The following SLC10A2 variants were observed in gnomAD, a reference collection of about 807,000 sequenced individuals.
SLC10A2 encodes the protein solute carrier family 10 member 2.
Under a neutral mutation model 27.1 loss-of-function variants are expected in SLC10A2, and 34 were observed. That is an observed-to-expected ratio of 1.26 (90% confidence interval 0.96 to 1.67). The LOEUF is 1.67. SLC10A2 is among the 40% of genes most tolerant of loss of function. The pLI, the probability that SLC10A2 is intolerant of heterozygous loss-of-function variation, is 0.00. For missense variants in SLC10A2, 530 were observed against 444.4 expected, an observed-to-expected ratio of 1.19 and a Z score of -1.73; for synonymous variants, 205 against 174.0, an observed-to-expected ratio of 1.18 and a Z score of -1.40.
intron 5 of SLC10A2, among the ~76,000 whole-genome samples, chr13:103,046,523 C>T (rs1472756004): frequency 6.6e-6 from 1 of 152,164 alleles, no homozygotes; most frequent in Non-Finnish European, 1.5e-5. Context: ...TTCAGCCCTG[C>T]ACGTGGTACT....
At chr13:103,055,336 C>G (rs1875908887) in intron 2 of SLC10A2, among the ~76,000 whole-genome samples, 1 of 152,192 alleles carries the variant, frequency 6.6e-6, no homozygotes. Context: ...CATGGTCTGC[C>G]TCCTCTCGAT....
In SLC10A2 at chr13:103,051,473, C is replaced by G. The variant is rs754322624; in HGVS notation, c.586-41G>C. 6 of 1,602,890 alleles carry G rather than the reference C, an allele frequency of 3.7e-6. No individual in the cohort carries two copies. The Admixed American group carries it at 6.7e-5, about 18-fold the overall frequency. On this transcript the variant is annotated intron_variant, in intron 3 of 5. Transcript: ENST00000245312. The stretch of plus-strand genomic sequence containing the variant: ...ATAAGTGAACCCAGCAATCATGAGT[C>G]AAAGCAAATCCAAGTATGTTTGTCA...
intron 1 of SLC10A2, among the ~76,000 whole-genome samples, chr13:103,064,133 A>G (rs1876206112): frequency 6.6e-6 from 1 of 152,186 alleles, no homozygotes; most frequent in African/African-American, 2.4e-5. Context: ...AGCTCTGGAT[A>G]GGTGAGGTTG....
At chr13:103,054,735 G>T (rs1364230149) in intron 2 of SLC10A2, among the ~76,000 whole-genome samples, 1 of 152,126 alleles carries the variant, frequency 6.6e-6, no homozygotes, top group African/African-American at 2.4e-5. Flanking sequence ...AGGGACCTGG[G>T]GTTGACTGGG....
chr13:103,058,565 G>A (rs1345806086), intron 1 of SLC10A2, among the ~76,000 whole-genome samples, 183 bp from the exon 2 acceptor site: 2 of 152,076 alleles, frequency 1.3e-5, no homozygotes, highest in Non-Finnish European at 2.9e-5. Flanking sequence ...TAGGTATTAA[G>A]CCTAGTACCC....
chr13:103,055,329 G>A (rs1875908604), intron 2 of SLC10A2, among the ~76,000 whole-genome samples: 1 of 152,160 alleles, frequency 6.6e-6, no homozygotes, highest in South Asian at 2.1e-4. Flanking sequence ...CCAGCTGCAT[G>A]GTCTGCCTCC....
chr13:103,049,161 G>A (rs1332834341), intron 5 of SLC10A2, 128 bp downstream of exon 5: 7 of 927,966 alleles, frequency 7.5e-6, no homozygotes, highest in Non-Finnish European at 1.2e-5. Flanking sequence ...TAATATGACG[G>A]TGGCTTTTTC....
chr13:103,045,384 A>G lies in SLC10A2; in HGVS notation c.*749T>C, dbSNP rs1176639299. The G allele has an allele frequency of 1.3e-5, 2 of 152,246 alleles. No individual in the cohort carries two copies. The highest frequency in any genetic ancestry group is 4.8e-5 in the African/African-American group (2 of 41,430). 9.4% of individuals were successfully genotyped at this position (152,246 alleles called of 1,614,324 possible). On this transcript the variant is annotated 3_prime_UTR_variant, in exon 6 of 6. Coordinates refer to ENST00000245312, the MANE Select transcript of SLC10A2 (RefSeq NM_000452.3). ...TCTTTGCCAAATACACACCGTTTGA[A>G]AGAATTATGTTTTTCCTTGGAAGAT... is the stretch of plus-strand genomic sequence containing the variant.
intron 2 of SLC10A2, among the ~76,000 whole-genome samples, chr13:103,057,247 G>A (rs967037123): frequency 1.2e-4 from 19 of 152,156 alleles, no homozygotes; most frequent in African/African-American, 3.4e-4. Context: ...TCTTTTGTTC[G>A]TGATAGTTCT....
At chr13:103,053,209 A>C (rs1170521289) in intron 2 of SLC10A2, among the ~76,000 whole-genome samples, 1 of 152,002 alleles carries the variant, frequency 6.6e-6, no homozygotes, top group Non-Finnish European at 1.5e-5. Flanking sequence ...ATATTTTAAA[A>C]TGAAAGAAAA....
At chr13:103,056,513 T>C (rs1453481933) in intron 2 of SLC10A2, among the ~76,000 whole-genome samples, 1 of 152,170 alleles carries the variant, frequency 6.6e-6, no homozygotes, top group African/African-American at 2.4e-5. Context: ...AGGGAATGTA[T>C]ATCAAAAGGA....
intron 3 of SLC10A2, 111 bp downstream of exon 3, chr13:103,052,509 C>T: frequency 1.2e-6 from 1 of 804,170 alleles, no homozygotes; most frequent in Non-Finnish European, 2.2e-6. Flanking sequence ...GACTTCAGGC[C>T]CCCACTCAAC....
intron 1 of SLC10A2, among the ~76,000 whole-genome samples, chr13:103,063,216 T>TG (rs929056114): frequency 2.0e-5 from 3 of 152,234 alleles, no homozygotes; most frequent in African/African-American, 7.2e-5. Context: ...CTATTTTTTT[T>TG]TTGTTTTTCA....
At chr13:103,055,568 T>G (rs1875913885) in intron 2 of SLC10A2, among the ~76,000 whole-genome samples, 1 of 152,138 alleles carries the variant, frequency 6.6e-6, no homozygotes, top group Admixed American at 6.5e-5. Flanking sequence ...GTTAAAGAAC[T>G]AGAAAAACCA....
At position 103,064,118 on chromosome 13, in the gene SLC10A2, T is replaced by C. The variant is rs532475013; in HGVS notation, c.377+1755A>G. Among the ~76,000 whole-genome samples the C allele has an allele frequency of 3.3e-5, 5 of 152,318 alleles. No individual in the cohort carries two copies. In the South Asian group the frequency reaches 1.0e-3, roughly 32 times the overall value. ...GTGTGCAGTGTCTTTTATTGGGTCT[T>C]GTTGAGCTCTGGATAGGTGAGGTTG... is the stretch of plus-strand genomic sequence containing the variant. On this transcript the variant is annotated intron_variant, in intron 1 of 5. Transcript: ENST00000245312.
intron 2 of SLC10A2, among the ~76,000 whole-genome samples, chr13:103,054,637 G>A (rs917579547): frequency 3.3e-5 from 5 of 152,098 alleles, no homozygotes; most frequent in Non-Finnish European, 5.9e-5. Context: ...CCAAGCCAAC[G>A]GGATAACACA....
At chr13:103,052,773 G>A (rs996212066) in intron 2 of SLC10A2, 65 bp from the exon 3 acceptor site, 9 of 989,822 alleles carry the variant, frequency 9.1e-6, no homozygotes, top group East Asian at 4.8e-5. Flanking sequence ...AAAAACAGAA[G>A]AACAAGCAGC....
At chr13:103,064,051 C>T (rs1335026948) in intron 1 of SLC10A2, among the ~76,000 whole-genome samples, 2 of 152,124 alleles carry the variant, frequency 1.3e-5, no homozygotes, top group Non-Finnish European at 2.9e-5. Flanking sequence ...AAGTCGGTCC[C>T]GCATGAGGAG....
intron 4 of SLC10A2, among the ~76,000 whole-genome samples, chr13:103,050,751 A>G (rs1875752614): frequency 6.6e-6 from 1 of 152,180 alleles, no homozygotes; most frequent in African/African-American, 2.4e-5. Flanking sequence ...AATAGGATGA[A>G]TGTGATTGAT....
Sources: allele counts gnomAD v4.1 joint callset (sites outside exome capture counted in the v4.1 genomes callset), GRCh38; gene constraint gnomAD v4.1.1; transcripts MANE v1.5; gene names NCBI Gene and HGNC (gene_info 2026-07-23, HGNC 2026-07-21).